Variants in ASTN2 observed in about 807,000 individuals in gnomAD.
ASTN2 encodes astrotactin 2, also known as astrotactin-2.
Under a neutral mutation model 139.8 loss-of-function variants are expected in ASTN2, and 54 were observed. The ratio of observed to expected loss-of-function variants is 0.39; its 90% CI spans 0.31 to 0.48. The LOEUF is 0.48. Among genes scored for constraint, ASTN2 ranks in the 20% least tolerant of loss-of-function variants. The probability of loss-of-function intolerance (pLI) is 0.95; values close to 1 mark genes in which losing one functional copy is unlikely to be tolerated. For synonymous variants in ASTN2, 756 were observed against 719.5 expected, an observed-to-expected ratio of 1.05 and a Z score of -0.81; for missense variants, 1,565 against 1,725.1, an observed-to-expected ratio of 0.91 and a Z score of 1.64.
chr9:117,233,769 G>A (rs1832965642), intron 2 of ASTN2, among the ~76,000 whole-genome samples: 1 of 152,124 alleles, frequency 6.6e-6, no homozygotes, highest in Non-Finnish European at 1.5e-5. Context: ...ACTGACCAAG[G>A]AAGAAAGCAG....
chr9:116,949,011 G>A (rs1414172125), intron 10 of ASTN2, among the ~76,000 whole-genome samples: 1 of 151,594 alleles, frequency 6.6e-6, no homozygotes, highest in Non-Finnish European at 1.5e-5. Context: ...GGCTGCTCTC[G>A]AACTCTGGAC....
At chr9:116,929,365 T>A (rs1259972109) in intron 10 of ASTN2, among the ~76,000 whole-genome samples, 1 of 152,164 alleles carries the variant, frequency 6.6e-6, no homozygotes, top group Non-Finnish European at 1.5e-5. Flanking sequence ...CTACAATGCA[T>A]TCCTTTGGTA....
At chr9:117,180,967 G>T in intron 3 of ASTN2, 1 of 1,597,228 alleles carries the variant, frequency 6.3e-7, no homozygotes, top group African/African-American at 1.3e-5. Flanking sequence ...GTGAACCCTG[G>T]TCACAGTGCC....
intron 4 of ASTN2, among the ~76,000 whole-genome samples, chr9:117,124,279 G>A (rs1829631671): frequency 6.6e-6 from 1 of 152,058 alleles, no homozygotes; most frequent in Non-Finnish European, 1.5e-5. Context: ...TCTCATTTGT[G>A]TTATGGGACG....
intron 6 of ASTN2, among the ~76,000 whole-genome samples, chr9:117,031,663 G>T (rs955712755): frequency 6.6e-6 from 1 of 152,120 alleles, no homozygotes; most frequent in African/African-American, 2.4e-5. Context: ...AGCTAACAGA[G>T]GCATTACCCT....
At chr9:117,379,024 T>A (rs1380140250) in intron 1 of ASTN2, among the ~76,000 whole-genome samples, 2 of 152,162 alleles carry the variant, frequency 1.3e-5, no homozygotes, top group Non-Finnish European at 2.9e-5. Context: ...TCATGCTCCC[T>A]CTTTGCCTTC....
At chr9:116,517,886 T>C (rs1370027353) in intron 19 of ASTN2, among the ~76,000 whole-genome samples, 1 of 152,148 alleles carries the variant, frequency 6.6e-6, no homozygotes, top group Non-Finnish European at 1.5e-5. Flanking sequence ...GCAATGGAAC[T>C]GAACAAGTGG....
At chr9:117,220,224 C>G (rs1327253845) in intron 2 of ASTN2, among the ~76,000 whole-genome samples, 2 of 152,070 alleles carry the variant, frequency 1.3e-5, no homozygotes, top group African/African-American at 4.8e-5. Flanking sequence ...TTCCTGGGGT[C>G]CTTAAAATAA....
intron 6 of ASTN2, among the ~76,000 whole-genome samples, chr9:117,010,558 A>G (rs972316248): frequency 3.3e-5 from 5 of 152,176 alleles, no homozygotes; most frequent in African/African-American, 1.2e-4. Context: ...ACTTGGGCAA[A>G]AAAACAAACC....
chr9:117,012,275 C>T (rs549406881), intron 6 of ASTN2, among the ~76,000 whole-genome samples: 1 of 152,278 alleles, frequency 6.6e-6, no homozygotes, highest in African/African-American at 2.4e-5. Flanking sequence ...AAATGTCGAA[C>T]ATCACTATCG....
At chr9:117,408,784 A>G (rs1831079937) in intron 1 of ASTN2, among the ~76,000 whole-genome samples, 1 of 152,106 alleles carries the variant, frequency 6.6e-6, no homozygotes, top group Admixed American at 6.5e-5. Context: ...GGTTGAAATG[A>G]GCTCTCCCCT....
chr9:116,871,229 G>A (rs2132353114), intron 10 of ASTN2, among the ~76,000 whole-genome samples: 1 of 152,302 alleles, frequency 6.6e-6, no homozygotes, highest in Admixed American at 6.5e-5. Flanking sequence ...CGGCACTGCA[G>A]CCTGGGCAAC....
At chr9:117,100,263 C>T (rs934622746) in intron 4 of ASTN2, among the ~76,000 whole-genome samples, 3 of 152,190 alleles carry the variant, frequency 2.0e-5, no homozygotes, top group Admixed American at 6.5e-5. Context: ...ACTCTTCTGA[C>T]CTTTATTCCC....
chr9:117,125,712 C>T (rs888327257), intron 4 of ASTN2, among the ~76,000 whole-genome samples: 2 of 152,046 alleles, frequency 1.3e-5, no homozygotes, highest in South Asian at 2.1e-4. Context: ...TACACATATC[C>T]GTCAGGGCAG....
intron 5 of ASTN2, among the ~76,000 whole-genome samples, chr9:117,087,218 T>TTTG (rs1564419662): frequency 6.6e-6 from 1 of 150,430 alleles, no homozygotes; most frequent in African/African-American, 2.4e-5. Context: ...ATTTTTTTCT[T>TTTG]TTTGTTTGTT....
chr9:117,213,773 A>C (rs940140021), intron 3 of ASTN2, among the ~76,000 whole-genome samples: 3 of 152,162 alleles, frequency 2.0e-5, no homozygotes, highest in Non-Finnish European at 4.4e-5. Context: ...CCAGGATGTG[A>C]AAAATTAGAA....
intron 12 of ASTN2, among the ~76,000 whole-genome samples, chr9:116,818,353 ATCTC>A (rs1408772721): frequency 6.6e-6 from 1 of 152,204 alleles, no homozygotes; most frequent in Non-Finnish European, 1.5e-5. Flanking sequence ...TCTCTGGACC[ATCTC>A]TCTCACAAGT....
chr9:116,837,561 T>G (rs1832043873), intron 11 of ASTN2, among the ~76,000 whole-genome samples: 1 of 152,194 alleles, frequency 6.6e-6, no homozygotes, highest in Non-Finnish European at 1.5e-5. Flanking sequence ...ACCAAGCCAT[T>G]TGTTTCTGTT....
chr9:117,238,418 T>G (rs999793272), intron 2 of ASTN2, among the ~76,000 whole-genome samples: 6 of 152,164 alleles, frequency 3.9e-5, no homozygotes, highest in Non-Finnish European at 7.3e-5. Context: ...TTTCAAAGCT[T>G]TGGTTTTCCT....
Sources: allele counts gnomAD v4.1 joint callset (sites outside exome capture counted in the v4.1 genomes callset), GRCh38; gene constraint gnomAD v4.1.1; transcripts MANE v1.5; gene names NCBI Gene and HGNC (gene_info 2026-07-23, HGNC 2026-07-21).